Variants in SALL4 observed in about 807,000 individuals in gnomAD.
The protein encoded by SALL4 is sal-like protein 4.
A neutral mutation model predicts 60.8 loss-of-function variants in SALL4; 4 were observed. The ratio of observed to expected loss-of-function variants is 0.07; its 90% CI spans 0.03 to 0.15. The LOEUF (loss-of-function observed/expected upper bound fraction) is 0.15, where lower values mean the gene tolerates loss of function less well. SALL4 is among the 10% of genes least tolerant of loss of function. The pLI, the probability that SALL4 is intolerant of heterozygous loss-of-function variation, is 1.00. For missense variants in SALL4, 1,178 were observed against 1,394.7 expected (o/e 0.84, Z 2.48); for synonymous variants, 580 against 574.9 (o/e 1.01, Z -0.13).
Position 51,791,258 on chromosome 20 carries a change from G to T in SALL4, c.1225C>A (p.Pro409Thr). 6.2e-7 allele frequency: 1 copy of T among 1,614,138 alleles called. No individual in the cohort carries two copies. Among genetic ancestry groups the T allele is most frequent in the Non-Finnish European group, 8.5e-7 (1 of 1,180,036 alleles). ...IHLRSHTGERPFVCSVCGHRF... is the reference protein window; with the variant it reads ...IHLRSHTGERTFVCSVCGHRF... Reference sequence around the variant, plus strand: ...TGACCACAGACAGAGCACACGAAGGGTCTCTCTCCAGTGTGGGAGCGGAGG... The same window carrying T: ...TGACCACAGACAGAGCACACGAAGGTTCTCTCTCCAGTGTGGGAGCGGAGG... The change falls in exon 2 of 4, where the codon CCC (proline) becomes ACC (threonine). Residue 409 changes from proline (P) to threonine (T), a missense_variant. Transcript: ENST00000217086. The surrounding 1 kb of genome is among the most constrained non-coding windows in gnomAD (Gnocchi z 4.6).
At chr20:51,798,274 CAAAG>C (rs1282867641) in intron 1 of SALL4, among the ~76,000 whole-genome samples, 6 of 152,182 alleles carry the variant, frequency 3.9e-5, no homozygotes, top group African/African-American at 9.6e-5. Flanking sequence ...GTAAATGGCT[CAAAG>C]AAAGTTTCAC....
intron 1 of SALL4, among the ~76,000 whole-genome samples, chr20:51,797,943 CTTATCTTT>C (rs2078088408): frequency 6.6e-6 from 1 of 152,102 alleles, no homozygotes; most frequent in Non-Finnish European, 1.5e-5. Flanking sequence ...ATGACTCAAG[CTTATCTTT>C]TTTTCATTCC....
chr20:51,787,081 G>A (rs1469276423), intron 3 of SALL4, among the ~76,000 whole-genome samples: 1 of 149,954 alleles, frequency 6.7e-6, no homozygotes, highest in Non-Finnish European at 1.5e-5. Flanking sequence ...GGCAACAAGA[G>A]CAAAACTGTC....
At position 51,788,838 on chromosome 20, in the gene SALL4, G is replaced by A; in HGVS notation, c.2742+23C>T. 1 of 1,613,012 alleles carries A rather than the reference G, an allele frequency of 6.2e-7. No homozygotes were observed. Among genetic ancestry groups the A allele is most frequent in the Non-Finnish European group, 8.5e-7 (1 of 1,180,032 alleles). On this transcript the variant is annotated intron_variant, in intron 3 of 3. Coordinates refer to ENST00000217086, the MANE Select transcript of SALL4 (RefSeq NM_020436.5). The surrounding 1 kb of genome is among the most constrained non-coding windows in gnomAD (Gnocchi z 4.1). The stretch of plus-strand genomic sequence containing the variant: ...ACACCTGGTGCCTAGCCCCCATCCT[G>A]CTGAAAGCCCACACAAACCCACCTT...
At position 51,792,180 on chromosome 20, in the gene SALL4, G is replaced by A. The variant is rs1299817554; in HGVS notation, c.303C>T (p.Leu101=). ...CAGGCCCCTCGCTGTCATTCATGATGAGGACAGGTGGATTTTTAGTGCAAT... is the reference window on the plus strand; with the variant it reads ...CAGGCCCCTCGCTGTCATTCATGATAAGGACAGGTGGATTTTTAGTGCAAT... ...KKNCTKNPPV[L]IMNDSEGPVP... The change falls in exon 2 of 4, where the codon CTC becomes CTT. Residue 101 remains leucine, a synonymous_variant. Coordinates refer to ENST00000217086, the MANE Select transcript of SALL4 (RefSeq NM_020436.5). The A allele has an allele frequency of 1.2e-6, 2 of 1,614,194 alleles. No homozygotes were observed.
rs1444494095 is a variant in SALL4 at position 51,801,760 on chromosome 20, G to C, written c.130+519C>G. Reference sequence around the variant, plus strand: ...CCCCCTCCCCCCACTTGGCCCGGGAGGGGCGCGTGCAACAGATCGTCCTCC... The same window carrying C: ...CCCCCTCCCCCCACTTGGCCCGGGACGGGCGCGTGCAACAGATCGTCCTCC... On this transcript the variant is annotated intron_variant, in intron 1 of 3. Transcript: ENST00000217086. This position sits in a 1 kb window ranked among gnomAD's most constrained non-coding sequence, Gnocchi z 5.2. 6.6e-6 allele frequency among the ~76,000 whole-genome samples: 1 copy of C among 152,094 alleles called. No individual in the cohort carries two copies. Among genetic ancestry groups the C allele is most frequent in the African/African-American group, 2.4e-5 (1 of 41,444 alleles).
chr20:51,801,587 AG>A lies in SALL4; in HGVS notation c.130+691del, dbSNP rs2078110126. On this transcript the variant is annotated intron_variant, in intron 1 of 3. Transcript: ENST00000217086. This position sits in a 1 kb window ranked among gnomAD's most constrained non-coding sequence, Gnocchi z 5.2. ...TAGGGCGAAGATCGGCAGGCGGCGCAGCCCGGGCAGAAAAGGCGAAATCCAG... is the reference window on the plus strand; with the variant it reads ...TAGGGCGAAGATCGGCAGGCGGCGCACCCGGGCAGAAAAGGCGAAATCCAG... The A allele has an allele frequency of 6.6e-6, 1 of 152,532 alleles. No individual in the cohort carries two copies. Among genetic ancestry groups the A allele is most frequent in the Non-Finnish European group, 1.5e-5 (1 of 68,348 alleles). The allele number at this position is 152,532 out of a possible 1,614,324, so 9.4% of individuals were successfully genotyped here.
At chr20:51,789,940 C>A in intron 2 of SALL4, 82 bp downstream of exon 2, 1 of 1,564,504 alleles carries the variant, frequency 6.4e-7, no homozygotes, top group Non-Finnish European at 8.8e-7. Context: ...GTCATACTCT[C>A]CGTTTGTAAA....
Position 51,792,119 on chromosome 20 carries a change from G to A in SALL4, c.364C>T (p.His122Tyr). 6.2e-7 allele frequency: 1 copy of A among 1,614,180 alleles called. No homozygotes were observed. The highest frequency in any genetic ancestry group is 8.5e-7 in the Non-Finnish European group (1 of 1,180,054). The change falls in exon 2 of 4, where the codon CAC becomes TAC. Residue 122 changes from histidine (H) to tyrosine (Y), a missense_variant. By Grantham distance (83) the His-to-Tyr change is moderately conservative. Coordinates refer to ENST00000217086, the MANE Select transcript of SALL4 (RefSeq NM_020436.5). ...TTACTGCCGGGACTGGTGGGCTGGTGGCTCAGTACAGCTCCGGAGAAGTCT... is the reference window on the plus strand; with the variant it reads ...TTACTGCCGGGACTGGTGGGCTGGTAGCTCAGTACAGCTCCGGAGAAGTCT... ...SEDFSGAVLS[H>Y]QPTSPGSKDC... is the part of the protein sequence containing the mutation.
In SALL4 at chr20:51,784,217, C is replaced by G. The variant is rs61301565; in HGVS notation, c.*48G>C. 7.9e-4 allele frequency: 1,272 copies of G among 1,602,344 alleles called. 8 individuals are homozygous for G. The African/African-American group carries it at 0.014, about 18-fold the overall frequency. ...GAGTTCTTACAAAACAAAGCAGATT[C>G]TAGAGATTTCACTGTGTCTGCATTG... On this transcript the variant is annotated 3_prime_UTR_variant, in exon 4 of 4. Coordinates refer to ENST00000217086, the MANE Select transcript of SALL4 (RefSeq NM_020436.5).
intron 1 of SALL4, among the ~76,000 whole-genome samples, chr20:51,792,590 G>A (rs1013162119): frequency 1.3e-5 from 2 of 148,338 alleles, no homozygotes; most frequent in Admixed American, 1.4e-4. Flanking sequence ...TCGGGAGGCT[G>A]AGGCTCAAGA....
At position 51,791,332 on chromosome 20, in the gene SALL4, C is replaced by A. The variant is rs1306729077; in HGVS notation, c.1151G>T (p.Cys384Phe). 1.2e-6 allele frequency: 2 copies of A among 1,614,198 alleles called. No homozygotes were observed. The highest frequency in any genetic ancestry group is 1.1e-5 in the South Asian group (1 of 91,082). The part of the protein sequence containing the change: ...KDEAALYKHK[C>F]KYCSKVFGTD... ...CCCAAAAACCTTGCTACAGTACTTA[C>A]ACTTGTGCTTGTAGAGGGCCGCCTC... The change falls in exon 2 of 4, where the codon TGT becomes TTT. Residue 384 changes from cysteine (C) to phenylalanine (F), a missense_variant. Transcript: ENST00000217086. The surrounding 1 kb of genome is among the most constrained non-coding windows in gnomAD (Gnocchi z 4.6).
rs1194718891 is a variant in SALL4, at chr20:51,788,313, C to A, written c.2742+548G>T. ...GGGGACCCAAGCATGCAACACCATGCCCAACTAATTTGTGTGTGTGTGTGT... is the reference window on the plus strand; with the variant it reads ...GGGGACCCAAGCATGCAACACCATGACCAACTAATTTGTGTGTGTGTGTGT... On this transcript the variant is annotated intron_variant, in intron 3 of 3. Transcript: ENST00000217086. This position sits in a 1 kb window ranked among gnomAD's most constrained non-coding sequence, Gnocchi z 4.1. Among the ~76,000 whole-genome samples the A allele has an allele frequency of 7.0e-6, 1 of 142,760 alleles. No homozygotes were observed. The highest frequency in any genetic ancestry group is 2.6e-5 in the African/African-American group (1 of 37,988). The allele number at this position is 142,760 out of a possible 152,430, so 93.7% of individuals were successfully genotyped here.
chr20:51,784,219 A>C lies in SALL4; in HGVS notation c.*46T>G. Reference sequence around the variant, plus strand: ...GTTCTTACAAAACAAAGCAGATTCTAGAGATTTCACTGTGTCTGCATTGCT... The same window carrying C: ...GTTCTTACAAAACAAAGCAGATTCTCGAGATTTCACTGTGTCTGCATTGCT... On this transcript the variant is annotated 3_prime_UTR_variant, in exon 4 of 4. Coordinates refer to ENST00000217086, the MANE Select transcript of SALL4 (RefSeq NM_020436.5). 387 of 1,574,492 alleles carry C rather than the reference A, an allele frequency of 2.5e-4. No homozygotes were observed. The highest frequency in any genetic ancestry group is 3.1e-4 in the Non-Finnish European group (358 of 1,145,610).
intron 2 of SALL4, 152 bp downstream of exon 2, chr20:51,789,870 T>C: frequency 3.4e-6 from 3 of 875,960 alleles, no homozygotes; most frequent in Non-Finnish European, 5.4e-6. Context: ...AGGCAGTTAC[T>C]ATTGCCCTCT....
In SALL4 at chr20:51,790,974, C is replaced by A; in HGVS notation, c.1509G>T (p.Leu503Phe). ...TNPKDLTGGSLPGDLQPGPSP... is the reference protein window; with the variant it reads ...TNPKDLTGGSFPGDLQPGPSP... ...AAGGCCCAGGCTGCAGGTCACCGGG[C>A]AAGGAGCCACCCGTGAGGTCCTTGG... The change falls in exon 2 of 4, where the codon TTG becomes TTT. Residue 503 changes from leucine (L) to phenylalanine (F), a missense_variant. By Grantham distance (22) the Leu-to-Phe change is conservative. Transcript: ENST00000217086. This position sits in a 1 kb window ranked among gnomAD's most constrained non-coding sequence, Gnocchi z 5.5. The A allele has an allele frequency of 6.2e-7, 1 of 1,614,154 alleles. No homozygotes were observed. Among genetic ancestry groups the A allele is most frequent in the Non-Finnish European group, 8.5e-7 (1 of 1,180,020 alleles).
rs989594694 is a variant in SALL4, at chr20:51,788,942, G to A, written c.2661C>T (p.Ile887=). 1 of 1,614,216 alleles carries A rather than the reference G, an allele frequency of 6.2e-7. No individual in the cohort carries two copies. Among genetic ancestry groups the A allele is most frequent in the African/African-American group, 1.3e-5 (1 of 75,058 alleles). ...KNFSSASALQ[I]HERTHTGEKP... is the part of the protein sequence containing the mutation. ...TCTCTCCAGTGTGAGTCCGCTCGTGGATCTGAAGAGCGCTAGCAGACGAGA... is the reference window on the plus strand; with the variant it reads ...TCTCTCCAGTGTGAGTCCGCTCGTGAATCTGAAGAGCGCTAGCAGACGAGA... The change falls in exon 3 of 4, where the codon ATC becomes ATT. Residue 887 remains isoleucine (I), a synonymous_variant. Coordinates refer to ENST00000217086, the MANE Select transcript of SALL4 (RefSeq NM_020436.5). This position sits in a 1 kb window ranked among gnomAD's most constrained non-coding sequence, Gnocchi z 4.1.
At chr20:51,800,415 A>T (rs1208096638) in intron 1 of SALL4, among the ~76,000 whole-genome samples, 1 of 152,208 alleles carries the variant, frequency 6.6e-6, no homozygotes, top group East Asian at 1.9e-4. Flanking sequence ...CCCAAATCGC[A>T]GTGGCAGCGC....
Position 51,784,649 on chromosome 20 carries a change from TGA to T in SALL4, c.2776_2777del (p.Ala927ProfsTer59). The T allele has an allele frequency of 6.2e-7, 1 of 1,614,178 alleles. No homozygotes were observed. The highest frequency in any genetic ancestry group is 8.5e-7 in the Non-Finnish European group (1 of 1,180,026). On this transcript the variant is annotated frameshift_variant, in exon 4 of 4. Transcript: ENST00000217086. LOFTEE classifies it low-confidence loss of function (END_TRUNC). ...HYMTHGANNN[S>X]ARRGRKLAIE... The stretch of plus-strand genomic sequence containing the variant: ...TGGCCAACTTCCTTCCACGGCGGGC[TGA>T]GTTATTGTTCGCCCCGTGTGTCATG...
Sources: allele counts gnomAD v4.1 joint callset (sites outside exome capture counted in the v4.1 genomes callset), GRCh38; gene constraint gnomAD v4.1.1; non-coding constraint Gnocchi (gnomAD v3.1); transcripts MANE v1.5; gene names NCBI Gene and HGNC (gene_info 2026-07-23, HGNC 2026-07-21).